MEN1: variants seen among roughly 807,000 people sequenced by gnomAD.
MEN1 encodes the protein menin 1.
In MEN1, 6 loss-of-function variants were observed where a neutral mutation model predicts 58.0. The ratio of observed to expected loss-of-function variants is 0.10; its 90% CI spans 0.06 to 0.20. The LOEUF is 0.20. Ranked by LOEUF, MEN1 falls within the 10% of genes least tolerant of loss-of-function variation. The pLI is 1.00. For synonymous variants in MEN1, 346 were observed against 350.7 expected, an observed-to-expected ratio of 0.99 and a Z score of 0.15; for missense variants, 492 against 818.5, an observed-to-expected ratio of 0.60 and a Z score of 4.87.
In MEN1 at chr11:64,807,039, C is replaced by T. The variant is rs1397110438; in HGVS notation, c.884G>A (p.Arg295Gln). Residue 295 changes from arginine (R) to glutamine (Q), a missense_variant, in exon 6 of 10, where the codon CGG becomes CAG. Around this residue, in one of 5 missense-constraint regions of MEN1, gnomAD observed 335 missense variants for 550.3 expected, o/e 0.61. Transcript: ENST00000450708. This position sits in a 1 kb window ranked among gnomAD's most constrained non-coding sequence, Gnocchi z 4.9. ...DLEELEPTPG[R>Q]PDPLTLYHKG... ...GTGGTAGAGGGTGAGTGGGTCTGGC[C>T]GGCCAGGGGTGGGCTCCAGCTCCTC... is the stretch of plus-strand genomic sequence containing the variant. 6 of 1,613,134 alleles carry T rather than the reference C, an allele frequency of 3.7e-6. No individual in the cohort carries two copies. The highest frequency in any genetic ancestry group is 3.3e-5 in the Admixed American group (2 of 60,000).
Position 64,807,334 on chromosome 11 carries a change from G to C in MEN1, c.784-115C>G. 1 of 1,279,360 alleles carries C rather than the reference G, an allele frequency of 7.8e-7. No homozygotes were observed. The highest frequency in any genetic ancestry group is 1.3e-5 in the South Asian group (1 of 79,390). 79.3% of individuals were successfully genotyped at this position (1,279,360 alleles called of 1,614,324 possible). ...CAGGGACCACCCACCATGTGGAAGG[G>C]CCAAAATTCTGGGACCAGCCCTTTA... On this transcript the variant is annotated intron_variant, in intron 4 of 9. Transcript: ENST00000450708. The surrounding 1 kb of genome is among the most constrained non-coding windows in gnomAD (Gnocchi z 4.9).
chr11:64,804,167 TG>T lies in MEN1; in HGVS notation c.*166del. The T allele has an allele frequency of 2.4e-6, 2 of 828,684 alleles. No individual in the cohort carries two copies. The highest frequency in any genetic ancestry group is 2.0e-6 in the Non-Finnish European group (1 of 504,596). The allele number at this position is 828,684 out of a possible 1,614,324, so 51.3% of individuals were successfully genotyped here. On this transcript the variant is annotated 3_prime_UTR_variant, in exon 10 of 10. Coordinates refer to ENST00000450708, the MANE Select transcript of MEN1 (RefSeq NM_001370259.2). The surrounding 1 kb of genome is among the most constrained non-coding windows in gnomAD (Gnocchi z 4.2). ...TGGGGCAGAGCCCTGGGTTCTGAGC[TG>T]GAGAAAATCGTGGGTTTGATACAGA...
chr11:64,804,977 G>GC lies in MEN1; in HGVS notation c.1350+56dup. 6.2e-7 allele frequency: 1 copy of GC among 1,606,206 alleles called. No individual in the cohort carries two copies. Among genetic ancestry groups the GC allele is most frequent in the East Asian group, 2.2e-5 (1 of 44,874 alleles). ...CCCCTGGGCCAGAAAAGTCTGACAAGCCCGTGGCTGCTGTCACCACCTGTA... is the reference window on the plus strand; with the variant it reads ...CCCCTGGGCCAGAAAAGTCTGACAAGCCCCGTGGCTGCTGTCACCACCTGTA... On this transcript the variant is annotated intron_variant, in intron 9 of 9. Coordinates refer to ENST00000450708, the MANE Select transcript of MEN1 (RefSeq NM_001370259.2). The surrounding 1 kb of genome is among the most constrained non-coding windows in gnomAD (Gnocchi z 4.2).
At chr11:64,809,165 G>A (rs1465383723) in intron 2 of MEN1, among the ~76,000 whole-genome samples, 1 of 149,918 alleles carries the variant, frequency 6.7e-6, no homozygotes, top group Non-Finnish European at 1.5e-5. Context: ...TCAGGAGGCT[G>A]AGGTTGGAGG....
chr11:64,805,209 G>A lies in MEN1; in HGVS notation c.1186-11C>T, dbSNP rs772464417. The A allele has an allele frequency of 1.9e-6, 3 of 1,612,444 alleles. No individual in the cohort carries two copies. The highest frequency in any genetic ancestry group is 2.2e-5 in the South Asian group (2 of 90,992). ...TTGGCTCTGGGTGCCCTGGACGAGG[G>A]GGAAGGGAGGGCACAGATCAGTCTC... On this transcript the variant is annotated splice_polypyrimidine_tract_variant and intron_variant, in intron 8 of 9. Transcript: ENST00000450708.
chr11:64,807,250 CG>C lies in MEN1; in HGVS notation c.784-32del. The C allele has an allele frequency of 6.2e-7, 1 of 1,608,336 alleles. No individual in the cohort carries two copies. Among genetic ancestry groups the C allele is most frequent in the Non-Finnish European group, 8.5e-7 (1 of 1,178,568 alleles). Reference sequence around the variant, plus strand: ...AGCCGAAGGAGAGAGTTATGAGCCACGGAACAGGGAGGAGAACGGGTCCTTA... The same window carrying C: ...AGCCGAAGGAGAGAGTTATGAGCCACGAACAGGGAGGAGAACGGGTCCTTA... On this transcript the variant is annotated intron_variant, in intron 4 of 9. Transcript: ENST00000450708. The surrounding 1 kb of genome is among the most constrained non-coding windows in gnomAD (Gnocchi z 4.9).
rs1467302868 is a variant in MEN1 at position 64,803,669 on chromosome 11, A to G, written c.*665T>C. 8 of 235,620 alleles carry G rather than the reference A, an allele frequency of 3.4e-5. No homozygotes were observed. The East Asian group carries it at 4.8e-4, about 14-fold the overall frequency. The allele number at this position is 235,620 out of a possible 1,614,324, so 14.6% of individuals were successfully genotyped here. On this transcript the variant is annotated 3_prime_UTR_variant, in exon 10 of 10. Coordinates refer to ENST00000450708, the MANE Select transcript of MEN1 (RefSeq NM_001370259.2). Reference sequence around the variant, plus strand: ...TGGGCTGGACCTCTGGGAGGTTCCCAGAGGGTCGGAAGGGAGGTCCTGCTC... The same window carrying G: ...TGGGCTGGACCTCTGGGAGGTTCCCGGAGGGTCGGAAGGGAGGTCCTGCTC...
At chr11:64,809,020 G>A (rs959484524) in intron 2 of MEN1, among the ~76,000 whole-genome samples, 1 of 151,678 alleles carries the variant, frequency 6.6e-6, no homozygotes, top group African/African-American at 2.4e-5. Context: ...CCCAGCATTT[G>A]GGAGACTGAG....
Position 64,804,688 on chromosome 11 carries a change from CG to C in MEN1, c.1478del (p.Pro493ArgfsTer66). On this transcript the variant is annotated frameshift_variant, in exon 10 of 10. Coordinates refer to ENST00000450708, the MANE Select transcript of MEN1 (RefSeq NM_001370259.2). LOFTEE classifies it high-confidence loss of function. This position sits in a 1 kb window ranked among gnomAD's most constrained non-coding sequence, Gnocchi z 4.2. ...PRRESKPEEP[P>X]PPKKPALDKG... ...TGTCCAGTGCTGGCTTCTTGGGCGG[CG>C]GGGGCTCCTCTGGCTTGGACTCCCG... The C allele has an allele frequency of 6.3e-7, 1 of 1,594,064 alleles. No homozygotes were observed.
At chr11:64,809,596 G>A in intron 2 of MEN1, 69 bp downstream of exon 2, 2 of 1,581,916 alleles carry the variant, frequency 1.3e-6, no homozygotes, top group Non-Finnish European at 1.7e-6. Context: ...TCTTAAAAGG[G>A]TTCTGTAAAC....
chr11:64,805,013 C>G lies in MEN1; in HGVS notation c.1350+21G>C, dbSNP rs1465546238. Reference sequence around the variant, plus strand: ...CTGTCACCACCTGTAGTGCCCAGACCTCTGTGCAGCTGTCCCTCACCTGTC... The same window carrying G: ...CTGTCACCACCTGTAGTGCCCAGACGTCTGTGCAGCTGTCCCTCACCTGTC... On this transcript the variant is annotated intron_variant, in intron 9 of 9. Transcript: ENST00000450708. 2.5e-6 allele frequency: 4 copies of G among 1,612,598 alleles called. No homozygotes were observed. The South Asian group carries it at 4.4e-5, about 18-fold the overall frequency.
rs1727236635 is a variant in MEN1, at chr11:64,805,214, G to A, written c.1186-16C>T. 6.2e-7 allele frequency: 1 copy of A among 1,612,298 alleles called. No individual in the cohort carries two copies. Among genetic ancestry groups the A allele is most frequent in the African/African-American group, 1.3e-5 (1 of 74,996 alleles). ...TCTGGGTGCCCTGGACGAGGGGGAA[G>A]GGAGGGCACAGATCAGTCTCTTACT... On this transcript the variant is annotated splice_polypyrimidine_tract_variant and intron_variant, in intron 8 of 9. Coordinates refer to ENST00000450708, the MANE Select transcript of MEN1 (RefSeq NM_001370259.2).
At position 64,810,125 on chromosome 11, in the gene MEN1, G is replaced by T; in HGVS notation, c.-16C>A. The T allele has an allele frequency of 1.3e-6, 2 of 1,529,572 alleles. No homozygotes were observed. The highest frequency in any genetic ancestry group is 8.8e-7 in the Non-Finnish European group (1 of 1,138,754). The allele number at this position is 1,529,572 out of a possible 1,614,324, so 94.8% of individuals were successfully genotyped here. On this transcript the variant is annotated 5_prime_UTR_variant, in exon 2 of 10. Transcript: ENST00000450708. ...TCAGCCCCATGGCGGCGGGCGGTGG[G>T]CGGCGGCCTGCAAGGCAAGCCGGGG...
rs1941413692 is a variant in MEN1 at position 64,803,532 on chromosome 11, G to C, written c.*802C>G. 1 of 229,910 alleles carries C rather than the reference G, an allele frequency of 4.3e-6. No individual in the cohort carries two copies. The highest frequency in any genetic ancestry group is 1.8e-4 in the South Asian group (1 of 5,506). 14.2% of individuals were successfully genotyped at this position (229,910 alleles called of 1,614,324 possible). A position where few individuals can be genotyped will look rare whatever the true frequency, so the allele number is the denominator to read the frequency against. ...CGCTTTATATTTTTTTTAACAAAAT[G>C]TATTCATCTTTCTTGGAACTGAAAA... On this transcript the variant is annotated 3_prime_UTR_variant, in exon 10 of 10. Coordinates refer to ENST00000450708, the MANE Select transcript of MEN1 (RefSeq NM_001370259.2).
At chr11:64,805,351 A>C (rs1421983128) in intron 8 of MEN1, among the ~76,000 whole-genome samples, 153 bp from the exon 9 acceptor site, 2 of 152,184 alleles carry the variant, frequency 1.3e-5, no homozygotes, top group Non-Finnish European at 2.9e-5. Flanking sequence ...CCTTTTATAA[A>C]GCCAATCCAT....
rs1313431495 is a variant in MEN1, at chr11:64,807,226, G to A, written c.784-7C>T. ...AGAGCAGCCAGAGCAGCTTCTAGGAGCCGAAGGAGAGAGTTATGAGCCACG... is the reference window on the plus strand; with the variant it reads ...AGAGCAGCCAGAGCAGCTTCTAGGAACCGAAGGAGAGAGTTATGAGCCACG... On this transcript the variant is annotated splice_region_variant and splice_polypyrimidine_tract_variant and intron_variant, in intron 4 of 9. Transcript: ENST00000450708. This position sits in a 1 kb window ranked among gnomAD's most constrained non-coding sequence, Gnocchi z 4.9. The A allele has an allele frequency of 6.2e-7, 1 of 1,612,804 alleles. No individual in the cohort carries two copies. The highest frequency in any genetic ancestry group is 1.1e-5 in the South Asian group (1 of 90,954).
At chr11:64,809,345 C>G (rs1443336101) in intron 2 of MEN1, among the ~76,000 whole-genome samples, 1 of 152,068 alleles carries the variant, frequency 6.6e-6, no homozygotes, top group African/African-American at 2.4e-5. Flanking sequence ...CTTCTTGCCC[C>G]CTAAATCTGC....
rs752563214 is a variant in MEN1 at position 64,807,685 on chromosome 11, G to A, written c.655-5C>T. On this transcript the variant is annotated splice_region_variant and splice_polypyrimidine_tract_variant and intron_variant, in intron 3 of 9. Transcript: ENST00000450708. This position sits in a 1 kb window ranked among gnomAD's most constrained non-coding sequence, Gnocchi z 4.9. ...TCCTTTCAGGTACAGCCAGCTCTTA[G>A]GGGGGGATGAGATCATTATGTCTCA... 6.2e-7 allele frequency: 1 copy of A among 1,613,922 alleles called. No homozygotes were observed. The highest frequency in any genetic ancestry group is 8.5e-7 in the Non-Finnish European group (1 of 1,179,970).
chr11:64,804,838 G>A lies in MEN1; in HGVS notation c.1351-22C>T, dbSNP rs1941576204. ...GCACCTGGGCCAGTGGGGAGAGCAA[G>A]GTGAGAGCAAGGTTGCCGGCCAGTG... On this transcript the variant is annotated intron_variant, in intron 9 of 9. Coordinates refer to ENST00000450708, the MANE Select transcript of MEN1 (RefSeq NM_001370259.2). This position sits in a 1 kb window ranked among gnomAD's most constrained non-coding sequence, Gnocchi z 4.2. The A allele has an allele frequency of 6.3e-7, 1 of 1,596,458 alleles. No individual in the cohort carries two copies. Among genetic ancestry groups the A allele is most frequent in the African/African-American group, 1.3e-5 (1 of 74,884 alleles).
Sources: allele counts gnomAD v4.1 joint callset (sites outside exome capture counted in the v4.1 genomes callset), GRCh38; gene constraint gnomAD v4.1.1; regional missense constraint gnomAD v4.1.1; non-coding constraint Gnocchi (gnomAD v3.1); transcripts MANE v1.5; gene names NCBI Gene and HGNC (gene_info 2026-07-23, HGNC 2026-07-21).